NTNG1: variants seen among roughly 807,000 people sequenced by gnomAD.
NTNG1 encodes netrin-G1.
NTNG1 carries 16 observed loss-of-function variants against 54.0 expected under a neutral mutation model. That is an observed-to-expected ratio of 0.30 (90% CI 0.20 to 0.45). NTNG1 has a LOEUF of 0.45. Among genes scored for constraint, NTNG1 ranks in the 20% least tolerant of loss-of-function variants. NTNG1 has a pLI of 1.00. For synonymous variants in NTNG1, 255 were observed against 263.1 expected (o/e 0.97, Z 0.30); for missense variants, 530 against 678.7 (o/e 0.78, Z 2.43).
intron 3 of NTNG1, among the ~76,000 whole-genome samples, chr1:107,365,169 G>C (rs978777269): frequency 1.3e-5 from 2 of 152,108 alleles, no homozygotes; most frequent in African/African-American, 4.8e-5. Context: ...TGACTTAAAA[G>C]ACAGTTGAGA....
intron 2 of NTNG1, among the ~76,000 whole-genome samples, chr1:107,161,950 C>G (rs76053285): frequency 6.8e-6 from 1 of 147,960 alleles, no homozygotes; most frequent in South Asian, 2.1e-4. Flanking sequence ...AAAAAAAAAA[C>G]TATTCTGTAA....
At chr1:107,161,752 T>TA (rs915635616) in intron 2 of NTNG1, among the ~76,000 whole-genome samples, 25 of 147,040 alleles carry the variant, frequency 1.7e-4, no homozygotes, top group Admixed American at 4.7e-4. Context: ...TTGTTAGAAT[T>TA]AAAAAAAAAA....
At position 107,435,302 on chromosome 1, in the gene NTNG1, G is replaced by A. The variant is rs199734283; in HGVS notation, c.1256-1363G>A. Among the ~76,000 whole-genome samples, 17 of 152,030 alleles carry A rather than the reference G, an allele frequency of 1.1e-4. No homozygotes were observed. In the East Asian group the frequency reaches 2.7e-3, roughly 24 times the overall value. ...TTTTAATCTGCTTCCATATACACAT[G>A]CATATTAAAATAGAAAATGTTAATT... On this transcript the variant is annotated intron_variant, in intron 6 of 7. Coordinates refer to ENST00000370068, the MANE Select transcript of NTNG1 (RefSeq NM_001113226.3).
rs909602993 is a variant in NTNG1, at chr1:107,484,387, T to C, written c.*3547T>C. On this transcript the variant is annotated 3_prime_UTR_variant, in exon 8 of 8. Coordinates refer to ENST00000370068, the MANE Select transcript of NTNG1 (RefSeq NM_001113226.3). ...GCTTCCAAGGGTTATGAAAGCATCA[T>C]GTGTCAAAGTGGCAGGATGGAAGAT... 6.6e-6 allele frequency among the ~76,000 whole-genome samples: 1 copy of C among 152,216 alleles called. No individual in the cohort carries two copies. Among genetic ancestry groups the C allele is most frequent in the African/African-American group, 2.4e-5 (1 of 41,458 alleles).
intron 3 of NTNG1, among the ~76,000 whole-genome samples, chr1:107,343,339 T>C (rs781048360): frequency 3.3e-5 from 5 of 152,124 alleles, no homozygotes; most frequent in East Asian, 3.9e-4. Context: ...TTAACATCCA[T>C]TGGAAGTGTG....
chr1:107,480,874 C>A lies in NTNG1; in HGVS notation c.*34C>A. The A allele has an allele frequency of 1.3e-6, 2 of 1,494,150 alleles. No homozygotes were observed. Among genetic ancestry groups the A allele is most frequent in the Non-Finnish European group, 1.8e-6 (2 of 1,098,074 alleles). 92.6% of individuals were successfully genotyped at this position (1,494,150 alleles called of 1,614,324 possible). On this transcript the variant is annotated 3_prime_UTR_variant, in exon 8 of 8. Coordinates refer to ENST00000370068, the MANE Select transcript of NTNG1 (RefSeq NM_001113226.3). The stretch of plus-strand genomic sequence containing the variant: ...TCCAGCCACACCGGACGGGCCTGTG[C>A]CGTGGGGAAGCAGACACAACCCAAA...
chr1:107,243,663 C>A (rs1661991735), intron 2 of NTNG1, among the ~76,000 whole-genome samples: 1 of 152,128 alleles, frequency 6.6e-6, no homozygotes, highest in Non-Finnish European at 1.5e-5. Flanking sequence ...TTGAAGCTGT[C>A]CTGCCTCAGC....
chr1:107,419,355 G>A (rs895882066), intron 5 of NTNG1, among the ~76,000 whole-genome samples: 2 of 151,304 alleles, frequency 1.3e-5, no homozygotes, highest in South Asian at 4.2e-4. Context: ...AGAGCAATCT[G>A]TTCTCTTTCT....
intron 2 of NTNG1, 129 bp from the exon 3 acceptor site, chr1:107,324,153 C>T: frequency 1.3e-6 from 1 of 779,856 alleles, no homozygotes; most frequent in Admixed American, 2.3e-5. Flanking sequence ...CCAGTTAGGG[C>T]AAATAAAAAT....
chr1:107,436,836 G>A (rs189803464), intron 7 of NTNG1, 37 bp downstream of exon 7: 2 of 1,604,980 alleles, frequency 1.2e-6, no homozygotes, highest in Non-Finnish European at 1.7e-6. Flanking sequence ...GCCTGCTGCA[G>A]CATGGCTGAT....
Position 107,148,725 on chromosome 1 carries a change from T to G in NTNG1, c.132T>G (p.Val44=), listed in dbSNP as rs1196716537. Residue 44 remains valine (V), a synonymous_variant, in exon 2 of 8, where the codon GTT becomes GTG. Transcript: ENST00000370068. ...KTQIYTEEGK[V]WDYMACQPES... is the part of the protein sequence containing the mutation. Reference sequence around the variant, plus strand: ...AGATTTACACGGAAGAAGGGAAAGTTTGGGATTACATGGCCTGCCAGCCGG... The same window carrying G: ...AGATTTACACGGAAGAAGGGAAAGTGTGGGATTACATGGCCTGCCAGCCGG... 1 of 1,613,770 alleles carries G rather than the reference T, an allele frequency of 6.2e-7. No homozygotes were observed. Among genetic ancestry groups the G allele is most frequent in the South Asian group, 1.1e-5 (1 of 91,078 alleles).
chr1:107,338,442 G>C (rs536158936), intron 3 of NTNG1, among the ~76,000 whole-genome samples: 1 of 151,982 alleles, frequency 6.6e-6, no homozygotes, highest in East Asian at 1.9e-4. Flanking sequence ...CCCCAGCTAG[G>C]TCTGCTGCTG....
intron 2 of NTNG1, among the ~76,000 whole-genome samples, chr1:107,186,655 G>T (rs1390790994): frequency 1.3e-5 from 2 of 152,098 alleles, no homozygotes; most frequent in Non-Finnish European, 2.9e-5. Context: ...CCTGGACCAA[G>T]AACTGTTTGT....
chr1:107,448,227 T>TAA (rs1238482455), intron 7 of NTNG1, among the ~76,000 whole-genome samples: 3 of 152,128 alleles, frequency 2.0e-5, no homozygotes, highest in Admixed American at 6.6e-5. Flanking sequence ...ATTTAAGTCA[T>TAA]AAATCAGCTC....
intron 2 of NTNG1, among the ~76,000 whole-genome samples, chr1:107,200,324 A>G (rs1005176493): frequency 2.6e-5 from 4 of 151,880 alleles, no homozygotes; most frequent in African/African-American, 9.7e-5. Flanking sequence ...GTTATATAAC[A>G]TTTCTTGTTA....
At chr1:107,278,672 C>T (rs1664644208) in intron 2 of NTNG1, among the ~76,000 whole-genome samples, 2 of 152,044 alleles carry the variant, frequency 1.3e-5, no homozygotes, top group Non-Finnish European at 2.9e-5. Flanking sequence ...TACTGATTCC[C>T]CACTATGAAA....
intron 2 of NTNG1, among the ~76,000 whole-genome samples, chr1:107,201,419 C>T (rs1359126951): frequency 6.6e-6 from 1 of 151,826 alleles, no homozygotes; most frequent in Non-Finnish European, 1.5e-5. Context: ...TATAATTTTC[C>T]CTCATTGTGT....
chr1:107,398,042 TTAGGATA>T (rs1672790081), intron 4 of NTNG1, among the ~76,000 whole-genome samples: 2 of 152,028 alleles, frequency 1.3e-5, no homozygotes, highest in Admixed American at 1.3e-4. Context: ...TGAGGGATAC[TTAGGATA>T]TATCATCCCC....
At chr1:107,414,630 A>C (rs1340520002) in intron 5 of NTNG1, among the ~76,000 whole-genome samples, 2 of 152,192 alleles carry the variant, frequency 1.3e-5, no homozygotes, top group Admixed American at 1.3e-4. Context: ...AAATAGGGGA[A>C]GACATTATTT....
Sources: gnomAD v4.1 joint callset for allele counts (sites outside exome capture counted in the v4.1 genomes callset) on GRCh38, gnomAD v4.1.1 for gene constraint, MANE v1.5 for transcripts, NCBI Gene and HGNC (gene_info 2026-07-23, HGNC 2026-07-21) for gene names.